The following ADGRD1 variants were observed in gnomAD, a reference collection of about 807,000 sequenced individuals.
ADGRD1 encodes the protein adhesion G protein-coupled receptor D1.
A neutral mutation model predicts 113.4 loss-of-function variants in ADGRD1; 77 were observed. The ratio of observed to expected loss-of-function variants is 0.68; its 90% confidence interval spans 0.57 to 0.82. ADGRD1 has a LOEUF of 0.82. Among genes scored for constraint, ADGRD1 ranks in the 40% least tolerant of loss-of-function variants. The pLI is 0.00. For synonymous variants in ADGRD1, 474 were observed against 475.0 expected, an observed-to-expected ratio of 1.00 and a Z score of 0.03; for missense variants, 1,036 against 1,139.1, an observed-to-expected ratio of 0.91 and a Z score of 1.30.
chr12:131,039,154 C>T (rs1259294080), intron 13 of ADGRD1, among the ~76,000 whole-genome samples: 2 of 151,706 alleles, frequency 1.3e-5, no homozygotes, highest in Admixed American at 6.6e-5. Flanking sequence ...CCCGCTGAGC[C>T]GGGACGGTGC....
rs1011910066 is a variant in ADGRD1 at position 131,014,060 on chromosome 12, T to C, written c.1332-139T>C. 13 of 809,610 alleles carry C rather than the reference T, an allele frequency of 1.6e-5. No individual in the cohort carries two copies. In the Admixed American group the frequency reaches 3.7e-4, roughly 23 times the overall value. The allele number at this position is 809,610 out of a possible 1,614,324, so 50.2% of individuals were successfully genotyped here. A position where few individuals can be genotyped will look rare whatever the true frequency, so the allele number is the denominator to read the frequency against. ...TTGAAGGAGAGCAGCGGGAGCTGAA[T>C]GAAAGAAATCAAAGCTTCATCCAAA... On this transcript the variant is annotated intron_variant, in intron 12 of 24. Coordinates refer to ENST00000261654, the MANE Select transcript of ADGRD1 (RefSeq NM_198827.5).
Position 130,981,989 on chromosome 12 carries a change from G to A in ADGRD1, c.416G>A (p.Ser139Asn). The change falls in exon 5 of 25, where the codon AGC becomes AAC. Residue 139 changes from serine (S) to asparagine (N), a missense_variant. Transcript: ENST00000261654. Reference protein sequence around the residue: ...VISNGFKVCSSGGRGSVELYT... With the variant: ...VISNGFKVCSNGGRGSVELYT... ...TCCAATGGGTTCAAAGTCTGCTCCAGCGGTGGCAGAGGCTCTGTGGAGCTG... is the reference window on the plus strand; with the variant it reads ...TCCAATGGGTTCAAAGTCTGCTCCAACGGTGGCAGAGGCTCTGTGGAGCTG... 1 of 1,614,034 alleles carries A rather than the reference G, an allele frequency of 6.2e-7. No homozygotes were observed. Among genetic ancestry groups the A allele is most frequent in the South Asian group, 1.1e-5 (1 of 91,078 alleles).
chr12:131,083,742 T>G (rs1302437525), intron 14 of ADGRD1, among the ~76,000 whole-genome samples: 1 of 152,242 alleles, frequency 6.6e-6, no homozygotes, highest in Non-Finnish European at 1.5e-5. Context: ...TGTCTGGCTT[T>G]ATATTTTATA....
At chr12:131,138,312 C>T in intron 24 of ADGRD1, 83 bp downstream of exon 24, 1 of 1,188,422 alleles carries the variant, frequency 8.4e-7, no homozygotes, top group Non-Finnish European at 1.2e-6. Flanking sequence ...GGTGTGCAGG[C>T]AGCAGAGGTG....
chr12:131,003,496 T>C lies in ADGRD1; in HGVS notation c.1144+194T>C, dbSNP rs7305093. On this transcript the variant is annotated intron_variant, in intron 10 of 24. Transcript: ENST00000261654. This position sits in a 1 kb window ranked among gnomAD's most constrained non-coding sequence, Gnocchi z 4.8. ...GGTGTGTTCGGCCATGATATGCAGA[T>C]GGGGCCCATAAGCTTTTCCCAGTGA... 0.4 allele frequency among the ~76,000 whole-genome samples: 61,269 copies of C among 151,986 alleles called. 13,140 individuals carry two copies. The highest frequency in any genetic ancestry group is 0.54 in the African/African-American group (22,517 of 41,440).
chr12:131,050,000 TC>T (rs963294618), intron 13 of ADGRD1, among the ~76,000 whole-genome samples: 4 of 151,762 alleles, frequency 2.6e-5, no homozygotes, highest in Non-Finnish European at 4.4e-5. Flanking sequence ...CCAGGAAGAG[TC>T]CTCTGCCTGG....
At chr12:131,033,066 C>G (rs761620383) in intron 13 of ADGRD1, among the ~76,000 whole-genome samples, 31 of 152,238 alleles carry the variant, frequency 2.0e-4, no homozygotes, top group Non-Finnish European at 1.5e-5. Flanking sequence ...CTAAATGGCG[C>G]GCGACGAGCC....
At chr12:130,995,133 G>T (rs547265144) in intron 8 of ADGRD1, among the ~76,000 whole-genome samples, 1 of 152,240 alleles carries the variant, frequency 6.6e-6, no homozygotes, top group Non-Finnish European at 1.5e-5. Context: ...AGGCTGGCAG[G>T]TCTGTGGGAA....
chr12:131,014,634 T>G (rs1400747848), intron 13 of ADGRD1, among the ~76,000 whole-genome samples: 1 of 152,174 alleles, frequency 6.6e-6, no homozygotes, highest in Non-Finnish European at 1.5e-5. Flanking sequence ...TTATAACAAG[T>G]GTCCTTACTG....
rs562806780 is a variant in ADGRD1 at position 131,106,930 on chromosome 12, C to T, written c.1887+1065C>T. 8.5e-5 allele frequency among the ~76,000 whole-genome samples: 13 copies of T among 152,318 alleles called. No homozygotes were observed. The East Asian group carries it at 1.7e-3, about 20-fold the overall frequency. ...TACAGTGCAGATTTTGGTTTAGGAG[C>T]TCTGGGTGGAGCTCAGAATGCTGTA... is the stretch of plus-strand genomic sequence containing the variant. On this transcript the variant is annotated intron_variant, in intron 17 of 24. Coordinates refer to ENST00000261654, the MANE Select transcript of ADGRD1 (RefSeq NM_198827.5).
intron 20 of ADGRD1, among the ~76,000 whole-genome samples, chr12:131,123,794 C>G (rs1463668050): frequency 1.3e-5 from 2 of 151,510 alleles, no homozygotes; most frequent in Non-Finnish European, 2.9e-5. Context: ...TGCACTCCAT[C>G]CAGCCTGGGC....
rs756615574 is a variant in ADGRD1, at chr12:130,966,548, T to C, written c.187+2T>C. 2.5e-6 allele frequency: 4 copies of C among 1,594,260 alleles called. No individual in the cohort carries two copies. In the South Asian group the frequency reaches 3.3e-5, roughly 13 times the overall value. ...ATGAACTTCAGGATACAACTGGAGG[T>C]AGAGACGCGGGTGCTGAGAGCGGCT... On this transcript the variant is annotated splice_donor_variant, in intron 3 of 24. Transcript: ENST00000261654. LOFTEE classifies it high-confidence loss of function. This position sits in a 1 kb window ranked among gnomAD's most constrained non-coding sequence, Gnocchi z 4.6.
chr12:131,117,350 C>T (rs1475660427), intron 18 of ADGRD1, among the ~76,000 whole-genome samples: 4 of 152,194 alleles, frequency 2.6e-5, no homozygotes, highest in African/African-American at 4.8e-5. Context: ...TGTGATGGCT[C>T]ATATAACAAA....
chr12:131,107,766 T>C (rs2137343136), intron 17 of ADGRD1, among the ~76,000 whole-genome samples: 1 of 152,360 alleles, frequency 6.6e-6, no homozygotes. Flanking sequence ...GTATGTCTTA[T>C]TTTGTATCTA....
At chr12:131,126,634 C>T (rs1316965131) in intron 20 of ADGRD1, among the ~76,000 whole-genome samples, 1 of 152,130 alleles carries the variant, frequency 6.6e-6, no homozygotes, top group Admixed American at 6.5e-5. Context: ...GTCCTGCCTC[C>T]CTCCTCCCAC....
intron 13 of ADGRD1, among the ~76,000 whole-genome samples, chr12:131,068,613 T>C (rs1884912518): frequency 6.6e-6 from 1 of 152,158 alleles, no homozygotes; most frequent in Non-Finnish European, 1.5e-5. Context: ...CATATCTGCT[T>C]CTCCTGAAAG....
intron 13 of ADGRD1, among the ~76,000 whole-genome samples, chr12:131,038,393 G>C (rs1007594752): frequency 3.9e-5 from 6 of 152,230 alleles, no homozygotes; most frequent in African/African-American, 1.4e-4. Flanking sequence ...CCACCTCCGG[G>C]TTGTTAGGCA....
chr12:130,985,101 G>GTT (rs34234061), intron 5 of ADGRD1, among the ~76,000 whole-genome samples: 3 of 143,344 alleles, frequency 2.1e-5, no homozygotes, highest in Admixed American at 7.0e-5. Context: ...TGTCTCACTA[G>GTT]TTTTTTTTTT....
Position 130,966,383 on chromosome 12 carries a change from T to C in ADGRD1, c.104-80T>C, listed in dbSNP as rs1478931471. 3.6e-6 allele frequency: 3 copies of C among 842,584 alleles called. No homozygotes were observed. Among genetic ancestry groups the C allele is most frequent in the Middle Eastern group, 4.4e-4 (2 of 4,568 alleles). The allele number at this position is 842,584 out of a possible 1,614,324, so 52.2% of individuals were successfully genotyped here. On this transcript the variant is annotated intron_variant, in intron 2 of 24. Coordinates refer to ENST00000261654, the MANE Select transcript of ADGRD1 (RefSeq NM_198827.5). The surrounding 1 kb of genome is among the most constrained non-coding windows in gnomAD (Gnocchi z 4.6). ...GGATCCTTTTACTCTTCCCCCATAA[T>C]GTGTGTGCTAAGCGGTTCTTACCCT...
Sources: allele counts gnomAD v4.1 joint callset (sites outside exome capture counted in the v4.1 genomes callset), GRCh38; gene constraint gnomAD v4.1.1; non-coding constraint Gnocchi (gnomAD v3.1); transcripts MANE v1.5; gene names NCBI Gene and HGNC (gene_info 2026-07-23, HGNC 2026-07-21).